The following HECTD2 variants were observed in gnomAD, a reference collection of about 807,000 sequenced individuals.
The protein encoded by HECTD2 is probable E3 ubiquitin-protein ligase HECTD2.
Under a neutral mutation model 103.2 loss-of-function variants are expected in HECTD2, and 35 were observed. The observed-to-expected ratio is 0.34, with a 90% CI of 0.26 to 0.45. The LOEUF (loss-of-function observed/expected upper bound fraction) is 0.45, where lower values mean the gene tolerates loss of function less well. Among genes scored for constraint, HECTD2 ranks in the 20% least tolerant of loss-of-function variants. The pLI is 1.00. For synonymous variants in HECTD2, 281 were observed against 329.9 expected, an observed-to-expected ratio of 0.85 and a Z score of 1.61; for missense variants, 596 against 937.4, an observed-to-expected ratio of 0.64 and a Z score of 4.76.
intron 5 of HECTD2, among the ~76,000 whole-genome samples, chr10:91,465,231 G>A (rs367591168): frequency 8.5e-5 from 13 of 152,310 alleles, no homozygotes; most frequent in South Asian, 6.2e-4. Context: ...ATATAAATAT[G>A]GGATGAGGGA....
chr10:91,505,313 A>C (rs1445974782), intron 20 of HECTD2, among the ~76,000 whole-genome samples: 3 of 151,544 alleles, frequency 2.0e-5, no homozygotes, highest in African/African-American at 7.2e-5. Flanking sequence ...CTCCAATTAA[A>C]AGACACAGAC....
At chr10:91,459,769 A>G (rs978796473) in intron 2 of HECTD2, among the ~76,000 whole-genome samples, 12 of 152,128 alleles carry the variant, frequency 7.9e-5, no homozygotes, top group Non-Finnish European at 1.6e-4. Context: ...TTATAATACT[A>G]TATTTTTACT....
chr10:91,493,828 A>T (rs1247922124), intron 14 of HECTD2, among the ~76,000 whole-genome samples: 1 of 151,982 alleles, frequency 6.6e-6, no homozygotes, highest in East Asian at 1.9e-4. Context: ...ATTTATAATG[A>T]AGTATTTTTT....
At chr10:91,502,108 C>T (rs1318906662) in intron 20 of HECTD2, among the ~76,000 whole-genome samples, 1 of 152,004 alleles carries the variant, frequency 6.6e-6, no homozygotes, top group East Asian at 1.9e-4. Context: ...AACTCATGTG[C>T]TTTAACACTA....
At chr10:91,424,728 T>TTAG (rs1843491256) in intron 1 of HECTD2, among the ~76,000 whole-genome samples, 1 of 152,088 alleles carries the variant, frequency 6.6e-6, no homozygotes, top group Admixed American at 6.6e-5. Flanking sequence ...TCCCAAGTGC[T>TTAG]TAGCACTACT....
chr10:91,500,150 G>T (rs1210561444), intron 18 of HECTD2, among the ~76,000 whole-genome samples: 2 of 152,184 alleles, frequency 1.3e-5, no homozygotes, highest in African/African-American at 4.8e-5. Context: ...CACACAGGAG[G>T]TGTTATGGGA....
At chr10:91,502,074 T>C (rs1846923317) in intron 20 of HECTD2, among the ~76,000 whole-genome samples, 1 of 152,138 alleles carries the variant, frequency 6.6e-6, no homozygotes, top group Non-Finnish European at 1.5e-5. Context: ...TTTATCTTCA[T>C]TACTAGCTTA....
chr10:91,470,740 G>C lies in HECTD2; in HGVS notation c.601-7461G>C, dbSNP rs141342572. 2.6e-5 allele frequency among the ~76,000 whole-genome samples: 4 copies of C among 152,006 alleles called. No homozygotes were observed. The South Asian group carries it at 6.2e-4, about 24-fold the overall frequency. On this transcript the variant is annotated intron_variant, in intron 5 of 20. Transcript: ENST00000298068. The stretch of plus-strand genomic sequence containing the variant: ...CCCAAGATGGAACCAGGAAGAAATG[G>C]AAACCCTAAACAGACCAATAATGAG...
chr10:91,493,515 T>A lies in HECTD2; in HGVS notation c.1521+7T>A. ...ATTCCGATTGGTTGGAATTGTATCC[T>A]TTAAACTTTCCACTAGGAGGTGCTA... On this transcript the variant is annotated splice_region_variant and intron_variant, in intron 14 of 20. Transcript: ENST00000298068. 6.8e-7 allele frequency: 1 copy of A among 1,460,212 alleles called. No homozygotes were observed. The highest frequency in any genetic ancestry group is 9.3e-7 in the Non-Finnish European group (1 of 1,074,448). The allele number at this position is 1,460,212 out of a possible 1,614,324, so 90.5% of individuals were successfully genotyped here. A position where few individuals can be genotyped will look rare whatever the true frequency, so the allele number is the denominator to read the frequency against.
intron 5 of HECTD2, chr10:91,462,742 C>T (rs1029913867): frequency 3.0e-6 from 3 of 985,880 alleles, no homozygotes; most frequent in Non-Finnish European, 1.2e-6. Flanking sequence ...AACAAAGTCT[C>T]CAGAAGTTTA....
intron 11 of HECTD2, chr10:91,489,942 AAGAT>A (rs1426352916): frequency 1.3e-5 from 2 of 152,228 alleles, no homozygotes; most frequent in Non-Finnish European, 2.9e-5. Context: ...TTACCAAAAA[AAGAT>A]ATAGTCTAAT....
chr10:91,411,899 A>G (rs1842927779), intron 1 of HECTD2, among the ~76,000 whole-genome samples: 1 of 152,176 alleles, frequency 6.6e-6, no homozygotes, highest in African/African-American at 2.4e-5. Context: ...CCAGCAGTTC[A>G]TTTCTAAGTT....
intron 2 of HECTD2, among the ~76,000 whole-genome samples, chr10:91,443,851 T>G (rs1003391359): frequency 1.3e-5 from 2 of 152,212 alleles, no homozygotes; most frequent in Non-Finnish European, 2.9e-5. Context: ...TGTTACAATT[T>G]TATATCCTTT....
Position 91,451,946 on chromosome 10 carries a change from TATTA to T in HECTD2, c.269-8478_269-8475del, listed in dbSNP as rs544932153. Among the ~76,000 whole-genome samples, 262 of 152,236 alleles carry T rather than the reference TATTA, an allele frequency of 1.7e-3. 2 individuals are homozygous for T. The highest frequency in any genetic ancestry group is 4.6e-3 in the South Asian group (22 of 4,812). On this transcript the variant is annotated intron_variant, in intron 2 of 20. Coordinates refer to ENST00000298068, the MANE Select transcript of HECTD2 (RefSeq NM_182765.6). Reference sequence around the variant, plus strand: ...ATTATAGACCTTAAAATCTATAAGATATTAATCATTCTGTTGTTTTAGAAGGATT... The same window carrying T: ...ATTATAGACCTTAAAATCTATAAGATATCATTCTGTTGTTTTAGAAGGATT...
chr10:91,494,131 A>G (rs1846577505), intron 14 of HECTD2, among the ~76,000 whole-genome samples: 2 of 152,018 alleles, frequency 1.3e-5, no homozygotes, highest in Non-Finnish European at 2.9e-5. Context: ...AGATTCCAAG[A>G]AATGTAATTG....
intron 5 of HECTD2, among the ~76,000 whole-genome samples, chr10:91,476,837 G>A (rs943724019): frequency 2.6e-5 from 4 of 152,172 alleles, no homozygotes; most frequent in Admixed American, 6.5e-5. Flanking sequence ...GGGTGTGGTC[G>A]TCTTGATCCT....
rs1384121916 is a variant in HECTD2 at position 91,478,274 on chromosome 10, A to G, written c.665+9A>G. The G allele has an allele frequency of 6.7e-7, 1 of 1,496,020 alleles. No individual in the cohort carries two copies. Among genetic ancestry groups the G allele is most frequent in the South Asian group, 1.1e-5 (1 of 88,666 alleles). 92.7% of individuals were successfully genotyped at this position (1,496,020 alleles called of 1,614,324 possible). A position where few individuals can be genotyped will look rare whatever the true frequency, so the allele number is the denominator to read the frequency against. The stretch of plus-strand genomic sequence containing the variant: ...TTACGAGAATGGAAAGGGTAAACTA[A>G]TATTTTCAATATTTAGCTAATCAGT... On this transcript the variant is annotated intron_variant, in intron 6 of 20. Transcript: ENST00000298068.
intron 2 of HECTD2, among the ~76,000 whole-genome samples, chr10:91,454,059 A>T (rs892472984): frequency 6.7e-6 from 1 of 149,472 alleles, no homozygotes; most frequent in Non-Finnish European, 1.5e-5. Context: ...ACCTGAACCC[A>T]GAAACAAAAA....
At chr10:91,465,963 T>G (rs1214353656) in intron 5 of HECTD2, among the ~76,000 whole-genome samples, 1 of 152,172 alleles carries the variant, frequency 6.6e-6, no homozygotes, top group African/African-American at 2.4e-5. Context: ...ACTTAGAAAG[T>G]ATTCTCTCTG....
Sources: gnomAD v4.1 joint callset for allele counts (sites outside exome capture counted in the v4.1 genomes callset) on GRCh38, gnomAD v4.1.1 for gene constraint, MANE v1.5 for transcripts, NCBI Gene and HGNC (gene_info 2026-07-23, HGNC 2026-07-21) for gene names.